STT3B: variants seen among roughly 807,000 people sequenced by gnomAD.
The protein encoded by STT3B is STT3 oligosaccharyltransferase complex catalytic subunit B, also known as dolichyl-diphosphooligosaccharide--protein glycosyltransferase subunit STT3B.
Under a neutral mutation model 96.8 loss-of-function variants are expected in STT3B, and 29 were observed. That is an observed-to-expected ratio of 0.30 (90% CI 0.22 to 0.41). STT3B has a LOEUF of 0.41. Ranked by LOEUF, STT3B falls within the 10% of genes least tolerant of loss-of-function variation. The pLI is 1.00. For synonymous variants in STT3B, 367 were observed against 360.0 expected (o/e 1.02, Z -0.22); for missense variants, 640 against 1,022.3 (o/e 0.63, Z 5.10).
In STT3B at chr3:31,570,637, T is replaced by C. The variant is rs147026632; in HGVS notation, c.315-5759T>C. ...TGGAAAAGAGTAGTTATAGGATCAA[T>C]ATGGTCAATCCAAGTACCTTTTTTT... On this transcript the variant is annotated intron_variant, in intron 1 of 15. Coordinates refer to ENST00000295770, the MANE Select transcript of STT3B (RefSeq NM_178862.3). 1.2e-3 allele frequency among the ~76,000 whole-genome samples: 190 copies of C among 152,328 alleles called. 2 individuals carry two copies. The highest frequency in any genetic ancestry group is 6.8e-3 in the Middle Eastern group (2 of 294).
At chr3:31,611,686 G>A (rs139834658) in intron 5 of STT3B, among the ~76,000 whole-genome samples, 4 of 151,996 alleles carry the variant, frequency 2.6e-5, no homozygotes, top group South Asian at 2.1e-4. Flanking sequence ...TAGTAGAGAC[G>A]GGGTTTCTCC....
intron 3 of STT3B, among the ~76,000 whole-genome samples, chr3:31,582,016 G>T (rs1698416131): frequency 6.6e-6 from 1 of 152,022 alleles, no homozygotes; most frequent in Non-Finnish European, 1.5e-5. Flanking sequence ...AATTCTTCTT[G>T]TTCCCTATGG....
At chr3:31,587,700 A>T (rs975289191) in intron 3 of STT3B, among the ~76,000 whole-genome samples, 3 of 152,118 alleles carry the variant, frequency 2.0e-5, no homozygotes, top group African/African-American at 7.2e-5. Flanking sequence ...TCTGTCTATG[A>T]TGAATAACGC....
intron 5 of STT3B, among the ~76,000 whole-genome samples, chr3:31,601,348 C>A (rs1698923037): frequency 6.6e-6 from 1 of 152,102 alleles, no homozygotes. Context: ...TATATTCATA[C>A]AATGGTGTAT....
intron 1 of STT3B, among the ~76,000 whole-genome samples, chr3:31,555,475 G>A (rs71323047): frequency 0.061 from 9,264 of 152,088 alleles, 408 homozygotes; most frequent in Non-Finnish European, 0.09. Context: ...ATTTGATTAA[G>A]GAAATAGCGT....
chr3:31,637,260 AT>A lies in STT3B; in HGVS notation c.*1197del, dbSNP rs1699769640. On this transcript the variant is annotated 3_prime_UTR_variant, in exon 16 of 16. Transcript: ENST00000295770. Reference sequence around the variant, plus strand: ...GAGAAAGGGTTTTTCCTGCCACAGGATATAACTTTTTTTTATATAACAAGCA... The same window carrying A: ...GAGAAAGGGTTTTTCCTGCCACAGGAATAACTTTTTTTTATATAACAAGCA... The A allele has an allele frequency of 6.6e-6, 1 of 152,186 alleles. No individual in the cohort carries two copies. Among genetic ancestry groups the A allele is most frequent in the Admixed American group, 6.5e-5 (1 of 15,286 alleles). The allele number at this position is 152,186 out of a possible 1,614,324, so 9.4% of individuals were successfully genotyped here. A position where few individuals can be genotyped will look rare whatever the true frequency, so the allele number is the denominator to read the frequency against.
At chr3:31,611,849 G>T (rs1246436518) in intron 5 of STT3B, among the ~76,000 whole-genome samples, 4 of 151,970 alleles carry the variant, frequency 2.6e-5, no homozygotes, top group Non-Finnish European at 4.4e-5. Flanking sequence ...TTTTTACTCA[G>T]ATGTATCTAA....
chr3:31,609,047 G>A (rs1044681787), intron 5 of STT3B, among the ~76,000 whole-genome samples: 9 of 152,078 alleles, frequency 5.9e-5, no homozygotes, highest in African/African-American at 1.7e-4. Context: ...CCTGGGAGGC[G>A]GAGGTCGCAG....
At chr3:31,571,804 C>T (rs1211992267) in intron 1 of STT3B, among the ~76,000 whole-genome samples, 1 of 151,498 alleles carries the variant, frequency 6.6e-6, no homozygotes, top group Admixed American at 6.6e-5. Flanking sequence ...ACTGAGGTAT[C>T]CTGGGAATTT....
intron 1 of STT3B, among the ~76,000 whole-genome samples, chr3:31,551,925 C>CAGGAAGAA (rs1390643733): frequency 2.0e-5 from 3 of 152,176 alleles, no homozygotes; most frequent in Non-Finnish European, 1.5e-5. Context: ...CACCAACAGC[C>CAGGAAGAA]AGGAAGAAAC....
chr3:31,565,147 A>G lies in STT3B; in HGVS notation c.315-11249A>G, dbSNP rs142712176. ...AGTTGTTGATCCATGTATAACGTGT[A>G]TTACAAAGATGAACTGGCCTTTTTA... is the stretch of plus-strand genomic sequence containing the variant. On this transcript the variant is annotated intron_variant, in intron 1 of 15. Coordinates refer to ENST00000295770, the MANE Select transcript of STT3B (RefSeq NM_178862.3). Among the ~76,000 whole-genome samples, 41 of 152,330 alleles carry G rather than the reference A, an allele frequency of 2.7e-4. No individual in the cohort carries two copies. The East Asian group carries it at 6.4e-3, about 24-fold the overall frequency.
intron 1 of STT3B, among the ~76,000 whole-genome samples, chr3:31,555,691 G>C (rs1411059825): frequency 6.6e-6 from 1 of 151,868 alleles, no homozygotes; most frequent in African/African-American, 2.4e-5. Context: ...TATTTTTGTG[G>C]AACCAGAAAA....
At chr3:31,590,692 G>A (rs775141697) in intron 3 of STT3B, among the ~76,000 whole-genome samples, 2 of 151,990 alleles carry the variant, frequency 1.3e-5, no homozygotes, top group Non-Finnish European at 2.9e-5. Context: ...TAGCACAGAA[G>A]TCTGTGAAGT....
chr3:31,541,719 GGCGC>G (rs959267323), intron 1 of STT3B, among the ~76,000 whole-genome samples: 2 of 152,104 alleles, frequency 1.3e-5, no homozygotes, highest in Admixed American at 6.6e-5. Context: ...TGGGACTACA[GGCGC>G]CCGCGACCAT....
chr3:31,602,089 A>C (rs1183289092), intron 5 of STT3B, among the ~76,000 whole-genome samples: 1 of 152,032 alleles, frequency 6.6e-6, no homozygotes, highest in Non-Finnish European at 1.5e-5. Context: ...TTGCCACTGC[A>C]CTCCAGCCTG....
At chr3:31,538,594 C>T (rs996870923) in intron 1 of STT3B, among the ~76,000 whole-genome samples, 1 of 152,138 alleles carries the variant, frequency 6.6e-6, no homozygotes, top group East Asian at 1.9e-4. Flanking sequence ...GTTGTCTCTG[C>T]CATCTTTCAT....
chr3:31,611,303 C>G (rs1699174437), intron 5 of STT3B, among the ~76,000 whole-genome samples: 1 of 152,118 alleles, frequency 6.6e-6, no homozygotes, highest in Non-Finnish European at 1.5e-5. Context: ...GTTTACATCT[C>G]TGATTTTTAG....
At chr3:31,615,471 G>A (rs1457244852) in intron 6 of STT3B, among the ~76,000 whole-genome samples, 2 of 151,820 alleles carry the variant, frequency 1.3e-5, no homozygotes, top group Non-Finnish European at 3.0e-5. Context: ...AACTTTCAGA[G>A]GTGGTGTTTC....
intron 14 of STT3B, among the ~76,000 whole-genome samples, chr3:31,631,822 T>C (rs1373961780): frequency 6.6e-6 from 1 of 152,060 alleles, no homozygotes; most frequent in Non-Finnish European, 1.5e-5. Flanking sequence ...AATTTACTTA[T>C]GCTAGATTTG....
Sources: gnomAD v4.1 joint callset for allele counts (sites outside exome capture counted in the v4.1 genomes callset) on GRCh38, gnomAD v4.1.1 for gene constraint, MANE v1.5 for transcripts, NCBI Gene and HGNC (gene_info 2026-07-23, HGNC 2026-07-21) for gene names.